The following MLF1 variants were observed in gnomAD, a reference collection of about 807,000 sequenced individuals.
MLF1 encodes myelodysplasia-myeloid leukemia factor 1.
In MLF1, 37 loss-of-function variants were observed where a neutral mutation model predicts 38.3. That is an observed-to-expected ratio of 0.96 (90% CI 0.74 to 1.27). MLF1 has a LOEUF of 1.27. Ranked by LOEUF, MLF1 falls within the 50% of genes most tolerant of loss-of-function variation. The pLI is 0.00. For synonymous variants in MLF1, 95 were observed against 106.5 expected (o/e 0.89, Z 0.66); for missense variants, 331 against 349.2 (o/e 0.95, Z 0.42).
chr3:158,575,843 A>G (rs1346106217), intron 1 of MLF1, among the ~76,000 whole-genome samples: 1 of 152,162 alleles, frequency 6.6e-6, no homozygotes, highest in Non-Finnish European at 1.5e-5. Context: ...ACGATTTTCT[A>G]AATAGTCCAT....
intron 1 of MLF1, among the ~76,000 whole-genome samples, chr3:158,576,761 C>T (rs1171583355): frequency 6.6e-6 from 1 of 151,116 alleles, no homozygotes; most frequent in Non-Finnish European, 1.5e-5. Flanking sequence ...CAACCTCTGC[C>T]TCCCAGGTTC....
chr3:158,576,357 T>C (rs956371775), intron 1 of MLF1, among the ~76,000 whole-genome samples: 2 of 152,238 alleles, frequency 1.3e-5, no homozygotes, highest in African/African-American at 4.8e-5. Context: ...AAGAATACTA[T>C]CTTTCTCTCA....
Position 158,605,265 on chromosome 3 carries a change from A to G in MLF1, c.*63A>G. On this transcript the variant is annotated 3_prime_UTR_variant, in exon 8 of 8. Transcript: ENST00000466246. ...TAACAGTTAGTAATGGTGCTGGGTA[A>G]TAAGCATAAGACCAATCTCTTGCTG... 1.6e-6 allele frequency: 2 copies of G among 1,276,990 alleles called. No homozygotes were observed. Among genetic ancestry groups the G allele is most frequent in the Non-Finnish European group, 2.2e-6 (2 of 898,388 alleles). 79.1% of individuals were successfully genotyped at this position (1,276,990 alleles called of 1,614,324 possible).
Position 158,605,451 on chromosome 3 carries a change from T to G in MLF1, c.*249T>G. ...AAACTCTTTAAAACATACTAATTTT[T>G]TAAAGCTTATATGCTTATTTCGCTT... On this transcript the variant is annotated 3_prime_UTR_variant, in exon 8 of 8. Coordinates refer to ENST00000466246, the MANE Select transcript of MLF1 (RefSeq NM_001369783.1). 3.3e-6 allele frequency: 1 copy of G among 305,428 alleles called. No homozygotes were observed. Among genetic ancestry groups the G allele is most frequent in the Non-Finnish European group, 6.0e-6 (1 of 165,606 alleles). 18.9% of individuals were successfully genotyped at this position (305,428 alleles called of 1,614,324 possible).
At chr3:158,576,907 C>T (rs1208158206) in intron 1 of MLF1, among the ~76,000 whole-genome samples, 1 of 151,938 alleles carries the variant, frequency 6.6e-6, no homozygotes, top group African/African-American at 2.4e-5. Flanking sequence ...CTCCTGATCT[C>T]GTGATATGCT....
chr3:158,577,098 C>G (rs1407849342), intron 1 of MLF1, among the ~76,000 whole-genome samples: 2 of 152,138 alleles, frequency 1.3e-5, no homozygotes, highest in Non-Finnish European at 2.9e-5. Context: ...GATGTTACTT[C>G]TTCTATCTCC....
intron 1 of MLF1, among the ~76,000 whole-genome samples, chr3:158,590,235 A>G (rs1442090236): frequency 6.6e-6 from 1 of 152,230 alleles, no homozygotes; most frequent in East Asian, 1.9e-4. Context: ...CTATCAAAGA[A>G]CATACATGAA....
intron 6 of MLF1, 107 bp from the exon 7 acceptor site, chr3:158,602,700 G>A: frequency 9.3e-7 from 1 of 1,072,936 alleles, no homozygotes; most frequent in East Asian, 2.5e-5. Flanking sequence ...CTGTATTGAG[G>A]TTACACTAAT....
Position 158,592,425 on chromosome 3 carries a change from T to G in MLF1, c.48-9T>G. The stretch of plus-strand genomic sequence containing the variant: ...CTGAATCTTTCATGATTATGTATAT[T>G]TTCAACAGTGAGTCCATTCTTGCAC... On this transcript the variant is annotated splice_polypyrimidine_tract_variant and intron_variant, in intron 1 of 7. Transcript: ENST00000466246. 6.3e-7 allele frequency: 1 copy of G among 1,598,856 alleles called. No homozygotes were observed. The highest frequency in any genetic ancestry group is 1.4e-5 in the African/African-American group (1 of 73,914).
chr3:158,571,365 G>C lies in MLF1; in HGVS notation c.47+18G>C. Reference sequence around the variant, plus strand: ...TTCTTCTCGTGAGTTACGGGAGCCAGGAGTCCGGGGTCGCGCGGGAATTAA... The same window carrying C: ...TTCTTCTCGTGAGTTACGGGAGCCACGAGTCCGGGGTCGCGCGGGAATTAA... On this transcript the variant is annotated intron_variant, in intron 1 of 7. Transcript: ENST00000466246. 6.2e-7 allele frequency: 1 copy of C among 1,613,118 alleles called. No homozygotes were observed. The highest frequency in any genetic ancestry group is 8.5e-7 in the Non-Finnish European group (1 of 1,179,914).
At chr3:158,587,649 T>C (rs1008862088) in intron 1 of MLF1, among the ~76,000 whole-genome samples, 3 of 152,204 alleles carry the variant, frequency 2.0e-5, no homozygotes, top group Non-Finnish European at 2.9e-5. Flanking sequence ...AATTTGTTTC[T>C]AATAAACAGA....
intron 1 of MLF1, among the ~76,000 whole-genome samples, chr3:158,589,210 AT>A (rs928652713): frequency 3.3e-5 from 5 of 151,182 alleles, no homozygotes; most frequent in East Asian, 1.9e-4. Context: ...GAATTTTTGT[AT>A]TTTTTTTTAT....
At chr3:158,599,862 T>C (rs1046391782) in intron 5 of MLF1, 152 bp from the exon 6 acceptor site, 3 of 302,746 alleles carry the variant, frequency 9.9e-6, no homozygotes, top group East Asian at 5.7e-5. Flanking sequence ...CAGAGACTTA[T>C]TACCACAGTT....
At chr3:158,597,714 G>C (rs542954035) in intron 4 of MLF1, among the ~76,000 whole-genome samples, 1 of 151,984 alleles carries the variant, frequency 6.6e-6, no homozygotes, top group Non-Finnish European at 1.5e-5. Context: ...TACACACAAG[G>C]GTCAACCACT....
At chr3:158,591,615 CA>C (rs1469169628) in intron 1 of MLF1, among the ~76,000 whole-genome samples, 4 of 152,106 alleles carry the variant, frequency 2.6e-5, no homozygotes, top group African/African-American at 9.7e-5. Flanking sequence ...TGCAGGAAAG[CA>C]TAAGATTGCC....
At chr3:158,600,671 T>C (rs570014255) in intron 6 of MLF1, among the ~76,000 whole-genome samples, 28 of 151,598 alleles carry the variant, frequency 1.8e-4, no homozygotes, top group Non-Finnish European at 3.7e-4. Context: ...AAGTTACTTA[T>C]GATGCTATTT....
chr3:158,603,886 A>T (rs1418123763), intron 7 of MLF1, among the ~76,000 whole-genome samples: 1 of 152,172 alleles, frequency 6.6e-6, no homozygotes, highest in Non-Finnish European at 1.5e-5. Context: ...CATTTTGTAC[A>T]TACTCTGGAG....
chr3:158,589,106 T>G (rs573613401), intron 1 of MLF1, among the ~76,000 whole-genome samples: 1 of 152,342 alleles, frequency 6.6e-6, no homozygotes, highest in South Asian at 2.1e-4. Context: ...TAATTAAGAA[T>G]AGTTAGTAAT....
At chr3:158,590,738 T>G (rs1343583554) in intron 1 of MLF1, 2 of 454,660 alleles carry the variant, frequency 4.4e-6, no homozygotes, top group South Asian at 1.6e-5. Flanking sequence ...AGCAGGTAAT[T>G]ATCTGCAAAG....
Sources: allele counts gnomAD v4.1 joint callset (sites outside exome capture counted in the v4.1 genomes callset), GRCh38; gene constraint gnomAD v4.1.1; transcripts MANE v1.5; gene names NCBI Gene and HGNC (gene_info 2026-07-23, HGNC 2026-07-21).